The following SHOC1 variants were observed in gnomAD, a reference collection of about 807,000 sequenced individuals.
SHOC1 encodes shortage in chiasmata 1.
SHOC1 carries 136 observed loss-of-function variants against 179.2 expected under a neutral mutation model. The observed-to-expected ratio is 0.76, with a 90% CI of 0.66 to 0.87. SHOC1 has a LOEUF of 0.87. Ranked by LOEUF, SHOC1 falls within the 40% of genes least tolerant of loss-of-function variation. The pLI is 0.00. For missense variants in SHOC1, 1,538 were observed against 1,700.8 expected, an observed-to-expected ratio of 0.90 and a Z score of 1.68; for synonymous variants, 489 against 586.6, an observed-to-expected ratio of 0.83 and a Z score of 2.41.
At chr9:111,744,733 C>T (rs1834193423) in intron 10 of SHOC1, among the ~76,000 whole-genome samples, 1 of 152,182 alleles carries the variant, frequency 6.6e-6, no homozygotes. Context: ...TTACAGTAGA[C>T]TAATTGTACT....
chr9:111,730,384 T>C (rs745927706), intron 12 of SHOC1, among the ~76,000 whole-genome samples: 64 of 152,200 alleles, frequency 4.2e-4, no homozygotes, highest in Admixed American at 1.8e-3. Context: ...AGCTCTGGCC[T>C]TATGAAATGT....
rs1831190143 is a variant in SHOC1, at chr9:111,686,868, A to C, written c.4429T>G (p.Phe1477Val). The change falls in exon 28 of 28, where the codon TTT (phenylalanine) becomes GTT (valine). Residue 1477 changes from phenylalanine to valine, a missense_variant and splice_region_variant. Physicochemically the swap from Phe to Val is conservative, Grantham distance 50. Coordinates refer to ENST00000682961, the MANE Select transcript of SHOC1 (RefSeq NM_001378211.1). ...AATTGTGGTAGTTGTGAGCACATAA[A>C]ACCTGTTAAAAGGAGAAAAAGGAAA... ...NSGDKESLTG[F>V]MCSQLPQFKK... The C allele has an allele frequency of 1.9e-6, 3 of 1,605,318 alleles. No individual in the cohort carries two copies. The East Asian group carries it at 6.7e-5, about 36-fold the overall frequency.
Position 111,706,582 on chromosome 9 carries a change from T to A in SHOC1, c.2723A>T (p.Asp908Val). 6.4e-7 allele frequency: 1 copy of A among 1,558,478 alleles called. No individual in the cohort carries two copies. The highest frequency in any genetic ancestry group is 8.7e-7 in the Non-Finnish European group (1 of 1,154,562). Residue 908 changes from aspartate to valine, a missense_variant, in exon 20 of 28, where the codon GAC becomes GTC. Coordinates refer to ENST00000682961, the MANE Select transcript of SHOC1 (RefSeq NM_001378211.1). The part of the protein sequence containing the change: ...PYMAFKVILP[D>V]TVLERSTLLD... Reference sequence around the variant, plus strand: ...TATATTCTTACTTTCTAAAACTGTGTCTGGAAGAATCACTTTAAAGGCCAT... The same window carrying A: ...TATATTCTTACTTTCTAAAACTGTGACTGGAAGAATCACTTTAAAGGCCAT...
At chr9:111,764,265 T>A (rs1182279521) in intron 5 of SHOC1, among the ~76,000 whole-genome samples, 1 of 152,210 alleles carries the variant, frequency 6.6e-6, no homozygotes, top group East Asian at 1.9e-4. Context: ...TTTACTTAAT[T>A]CTCCAATTTT....
rs375746917 is a variant in SHOC1 at position 111,705,358 on chromosome 9, G to A, written c.2744C>T (p.Thr915Ile). Residue 915 changes from threonine (T) to isoleucine (I), a missense_variant, in exon 21 of 28, where the codon ACC (threonine) becomes ATC (isoleucine). Coordinates refer to ENST00000682961, the MANE Select transcript of SHOC1 (RefSeq NM_001378211.1). ...ILPDTVLERSTLLDRFGGFLL... is the reference protein window; with the variant it reads ...ILPDTVLERSILLDRFGGFLL... ...AAAACCTCCAAATCTATCCAGCAAG[G>A]TGCTTCCTAAATAAGAGAAAATTTA... The A allele has an allele frequency of 4.7e-6, 7 of 1,491,552 alleles. No homozygotes were observed. Among genetic ancestry groups the A allele is most frequent in the Middle Eastern group, 3.8e-4 (2 of 5,274 alleles). The allele number at this position is 1,491,552 out of a possible 1,614,324, so 92.4% of individuals were successfully genotyped here.
intron 7 of SHOC1, 31 bp from the exon 8 acceptor site, chr9:111,756,509 G>C: frequency 1.3e-6 from 2 of 1,558,764 alleles, no homozygotes; most frequent in Non-Finnish European, 1.7e-6. Flanking sequence ...AAAGTTTTTA[G>C]AGAGGCTTTC....
At chr9:111,786,735 T>G (rs1358286035) in intron 2 of SHOC1, among the ~76,000 whole-genome samples, 2 of 152,166 alleles carry the variant, frequency 1.3e-5, no homozygotes, top group African/African-American at 4.8e-5. Context: ...TGGCATGAAC[T>G]GCACCATATA....
chr9:111,769,986 G>T (rs12351749), intron 5 of SHOC1, among the ~76,000 whole-genome samples: 7,849 of 76,296 alleles, frequency 0.1, 626 homozygotes, highest in African/African-American at 0.14. Context: ...TTTTTTTTTT[G>T]TTTTTTTTTT....
At chr9:111,692,938 C>G (rs2131312943) in intron 26 of SHOC1, among the ~76,000 whole-genome samples, 1 of 152,258 alleles carries the variant, frequency 6.6e-6, no homozygotes, top group Middle Eastern at 3.4e-3. Flanking sequence ...ACTGAATTTT[C>G]TATGAGCACA....
chr9:111,777,839 C>G (rs1446925604), intron 4 of SHOC1, among the ~76,000 whole-genome samples: 1 of 152,138 alleles, frequency 6.6e-6, no homozygotes, highest in Non-Finnish European at 1.5e-5. Flanking sequence ...CCAATTGTGT[C>G]ATATCTTAAA....
intron 5 of SHOC1, among the ~76,000 whole-genome samples, chr9:111,773,118 T>C (rs1835685621): frequency 6.6e-6 from 1 of 152,124 alleles, no homozygotes; most frequent in Non-Finnish European, 1.5e-5. Flanking sequence ...ATATTTGAGA[T>C]GTGAGTTGTT....
chr9:111,711,090 A>G (rs530376522), intron 18 of SHOC1, among the ~76,000 whole-genome samples: 2 of 152,266 alleles, frequency 1.3e-5, no homozygotes, highest in South Asian at 4.1e-4. Flanking sequence ...CTGCAGGAGG[A>G]GATGGTATCC....
intron 12 of SHOC1, among the ~76,000 whole-genome samples, chr9:111,736,893 T>C (rs1028892924): frequency 2.0e-5 from 3 of 152,030 alleles, no homozygotes; most frequent in South Asian, 4.1e-4. Context: ...CATTAAAAAA[T>C]GGGCAAAAGA....
chr9:111,746,395 C>T lies in SHOC1; in HGVS notation c.971-53G>A. The T allele has an allele frequency of 4.1e-6, 5 of 1,210,360 alleles. No homozygotes were observed. In the South Asian group the frequency reaches 6.2e-5, roughly 15 times the overall value. 75.0% of individuals were successfully genotyped at this position (1,210,360 alleles called of 1,614,324 possible). ...TAAACATTGAATAATATTAAGTAGG[C>T]TAGGCGTGGTGGCTCACACCTGTAA... On this transcript the variant is annotated intron_variant, in intron 9 of 27. Coordinates refer to ENST00000682961, the MANE Select transcript of SHOC1 (RefSeq NM_001378211.1).
At chr9:111,719,197 G>A (rs980453098) in intron 15 of SHOC1, among the ~76,000 whole-genome samples, 3 of 152,136 alleles carry the variant, frequency 2.0e-5, no homozygotes, top group Non-Finnish European at 2.9e-5. Flanking sequence ...ATGTAAAAAT[G>A]CTTGGAAAAT....
chr9:111,763,869 CAG>C (rs776879051), intron 5 of SHOC1, among the ~76,000 whole-genome samples: 48 of 152,198 alleles, frequency 3.2e-4, no homozygotes, highest in Non-Finnish European at 4.4e-4. Flanking sequence ...TTTAGACAAA[CAG>C]GGGAGAGTTT....
In SHOC1 at chr9:111,691,923, T is replaced by C. The variant is rs1368996496; in HGVS notation, c.4054A>G (p.Thr1352Ala). 12 of 1,613,840 alleles carry C rather than the reference T, an allele frequency of 7.4e-6. No homozygotes were observed. Among genetic ancestry groups the C allele is most frequent in the South Asian group, 2.2e-5 (2 of 91,082 alleles). ...VSDPIFSLEG[T>A]QSPLHWNFKK... ...AAGTTCCAATGAAGAGGAGATTGAGTGCCCTCTAGTGAAAAGATAGGGTCC... is the reference window on the plus strand; with the variant it reads ...AAGTTCCAATGAAGAGGAGATTGAGCGCCCTCTAGTGAAAAGATAGGGTCC... The change falls in exon 27 of 28, where the codon ACT (threonine) becomes GCT (alanine). Residue 1352 changes from threonine (T) to alanine (A), a missense_variant. Thr to Ala is a moderately conservative substitution (Grantham distance 58). Transcript: ENST00000682961.
At chr9:111,767,149 C>T (rs571865287) in intron 5 of SHOC1, among the ~76,000 whole-genome samples, 10 of 152,094 alleles carry the variant, frequency 6.6e-5, no homozygotes, top group Admixed American at 4.6e-4. Context: ...GTTGTCTCTT[C>T]ACTTTATGAT....
chr9:111,706,940 C>A (rs1422861033), intron 19 of SHOC1, among the ~76,000 whole-genome samples, 194 bp from the exon 20 acceptor site: 1 of 152,164 alleles, frequency 6.6e-6, no homozygotes, highest in East Asian at 1.9e-4. Context: ...TCTTAATGAT[C>A]ATACATTTTT....
Sources: allele counts gnomAD v4.1 joint callset (sites outside exome capture counted in the v4.1 genomes callset), GRCh38; gene constraint gnomAD v4.1.1; transcripts MANE v1.5; gene names NCBI Gene and HGNC (gene_info 2026-07-23, HGNC 2026-07-21).